ZNF280B: variants seen among roughly 807,000 people sequenced by gnomAD.
The protein encoded by ZNF280B is zinc finger protein 280B, also known as suppressor of hairy wing homolog 2.
In ZNF280B, 16 loss-of-function variants were observed where a neutral mutation model predicts 38.0. The observed-to-expected ratio is 0.42, with a 90% CI of 0.28 to 0.64. The LOEUF (loss-of-function observed/expected upper bound fraction) is 0.64. Among genes scored for constraint, ZNF280B ranks in the 30% least tolerant of loss-of-function variants. ZNF280B has a pLI of 0.21. For missense variants in ZNF280B, 581 were observed against 639.6 expected, an observed-to-expected ratio of 0.91 and a Z score of 0.99; for synonymous variants, 253 against 230.6, an observed-to-expected ratio of 1.10 and a Z score of -0.88.
chr22:22,498,793 C>CTT (rs60940298), intron 2 of ZNF280B, among the ~76,000 whole-genome samples: 60,076 of 83,312 alleles, frequency 0.72, 21,949 homozygotes, highest in Non-Finnish European at 0.77. Flanking sequence ...GGCCAATATC[C>CTT]TTTTTTTTTT....
chr22:22,492,832 G>C (rs1269252773), intron 3 of ZNF280B, among the ~76,000 whole-genome samples: 1 of 150,572 alleles, frequency 6.6e-6, no homozygotes, highest in Non-Finnish European at 1.5e-5. Flanking sequence ...GTTGCAGTAA[G>C]CCAAGACCAC....
At chr22:22,505,208 A>C (rs1021293865) in intron 2 of ZNF280B, among the ~76,000 whole-genome samples, 1 of 151,954 alleles carries the variant, frequency 6.6e-6, no homozygotes, top group Non-Finnish European at 1.5e-5. Context: ...GACAAGTTAG[A>C]AATGAGATAA....
At chr22:22,499,636 C>T (rs538559686) in intron 2 of ZNF280B, among the ~76,000 whole-genome samples, 1 of 151,972 alleles carries the variant, frequency 6.6e-6, no homozygotes, top group Non-Finnish European at 1.5e-5. Flanking sequence ...AGCTAACATC[C>T]TTTTATGATT....
In ZNF280B at chr22:22,487,630, T is replaced by C. The variant is rs953136029; in HGVS notation, c.*137A>G. On this transcript the variant is annotated 3_prime_UTR_variant, in exon 4 of 4. Coordinates refer to ENST00000626650, the MANE Select transcript of ZNF280B (RefSeq NM_080764.4). ...GATCAAATAATATATATCCTGAATC[T>C]TGTTTAAAAAGTCATATATAATCCA... The C allele has an allele frequency of 9.1e-6, 6 of 661,420 alleles. No individual in the cohort carries two copies. Among genetic ancestry groups the C allele is most frequent in the Non-Finnish European group, 1.5e-5 (6 of 409,120 alleles). 41.0% of individuals were successfully genotyped at this position (661,420 alleles called of 1,614,324 possible). A position where few individuals can be genotyped will look rare whatever the true frequency, so the allele number is the denominator to read the frequency against.
intron 3 of ZNF280B, among the ~76,000 whole-genome samples, chr22:22,490,139 C>A (rs1047090593): frequency 6.6e-6 from 1 of 151,954 alleles, no homozygotes; most frequent in African/African-American, 2.4e-5. Flanking sequence ...CATCCCAACT[C>A]ATGGCCTTAA....
rs1412843745 is a variant in ZNF280B, at chr22:22,486,189, C to A, written c.*1578G>T. The A allele has an allele frequency of 6.6e-6, 1 of 152,008 alleles. No individual in the cohort carries two copies. Among genetic ancestry groups the A allele is most frequent in the Non-Finnish European group, 1.5e-5 (1 of 68,030 alleles). The allele number at this position is 152,008 out of a possible 1,614,324, so 9.4% of individuals were successfully genotyped here. ...GAATAGCTGCAAGCTGTAATACATT[C>A]ATGTCCAAAGCAAGACATAAAGTTG... On this transcript the variant is annotated 3_prime_UTR_variant, in exon 4 of 4. Coordinates refer to ENST00000626650, the MANE Select transcript of ZNF280B (RefSeq NM_080764.4).
chr22:22,508,250 G>C (rs768801502), intron 1 of ZNF280B, among the ~76,000 whole-genome samples: 3 of 151,940 alleles, frequency 2.0e-5, no homozygotes, highest in Non-Finnish European at 4.4e-5. Context: ...CAGGTCTCCA[G>C]AACTGGGGAG....
chr22:22,493,692 T>C (rs17581268), intron 3 of ZNF280B, among the ~76,000 whole-genome samples: 24,164 of 151,858 alleles, frequency 0.16, 2,638 homozygotes, highest in Admixed American at 0.22. Context: ...TTAGGTCCAC[T>C]GGTTACTTCA....
chr22:22,504,921 CA>C (rs1429141385), intron 2 of ZNF280B, among the ~76,000 whole-genome samples: 1 of 151,950 alleles, frequency 6.6e-6, no homozygotes, highest in East Asian at 2.0e-4. Flanking sequence ...GGTGATATAG[CA>C]GTGATCCAAA....
chr22:22,506,097 A>G (rs1365900730), intron 2 of ZNF280B, among the ~76,000 whole-genome samples: 1 of 151,938 alleles, frequency 6.6e-6, no homozygotes, highest in Non-Finnish European at 1.5e-5. Context: ...GAGGAGGAGG[A>G]CACACAAGAG....
intron 2 of ZNF280B, among the ~76,000 whole-genome samples, chr22:22,495,037 A>AT (rs2061667027): frequency 1.3e-5 from 2 of 151,978 alleles, no homozygotes; most frequent in Admixed American, 1.3e-4. Flanking sequence ...CTAGTAAACC[A>AT]TTGTTATAAC....
intron 3 of ZNF280B, among the ~76,000 whole-genome samples, chr22:22,493,689 C>T (rs967977193): frequency 2.6e-5 from 4 of 151,898 alleles, no homozygotes; most frequent in Non-Finnish European, 5.9e-5. Flanking sequence ...GGTTTAGGTC[C>T]ACTGGTTACT....
rs2061539237 is a variant in ZNF280B at position 22,488,856 on chromosome 22, G to A, written c.543C>T (p.Asn181=). 6.2e-7 allele frequency: 1 copy of A among 1,613,642 alleles called. No individual in the cohort carries two copies. Among genetic ancestry groups the A allele is most frequent in the Non-Finnish European group, 8.5e-7 (1 of 1,179,972 alleles). Residue 181 remains asparagine (N), a synonymous_variant, in exon 4 of 4, where the codon AAC becomes AAT. Transcript: ENST00000626650. ...VSKQLSTFEV[N]SINPKRAKLR... is the part of the protein sequence containing the mutation. ...GTTTAGCCCTTTTGGGATTTATGCT[G>A]TTTACTTCGAAAGTGGAAAGTTGCT...
chr22:22,502,351 T>A (rs893554549), intron 2 of ZNF280B, among the ~76,000 whole-genome samples: 1 of 151,924 alleles, frequency 6.6e-6, no homozygotes, highest in Non-Finnish European at 1.5e-5. Flanking sequence ...CTGCTGGTGA[T>A]AATATAAACT....
chr22:22,499,665 G>A (rs5751179), intron 2 of ZNF280B, among the ~76,000 whole-genome samples: 28,977 of 151,822 alleles, frequency 0.19, 3,184 homozygotes, highest in South Asian at 0.33. Context: ...CAAAACGATT[G>A]GGAATAGAAG....
At position 22,488,125 on chromosome 22, in the gene ZNF280B, C is replaced by A; in HGVS notation, c.1274G>T (p.Cys425Phe). Residue 425 changes from cysteine (C) to phenylalanine (F), a missense_variant, in exon 4 of 4, where the codon TGC becomes TTC. Coordinates refer to ENST00000626650, the MANE Select transcript of ZNF280B (RefSeq NM_080764.4). Reference protein sequence around the residue: ...FADVETHFRTCHENTKNLLCP... With the variant: ...FADVETHFRTFHENTKNLLCP... The stretch of plus-strand genomic sequence containing the variant: ...AAGCAAATTCTTTGTGTTTTCATGG[C>A]ACGTTCTAAAATGTGTTTCTACATC... 1 of 1,613,842 alleles carries A rather than the reference C, an allele frequency of 6.2e-7. No individual in the cohort carries two copies. Among genetic ancestry groups the A allele is most frequent in the Non-Finnish European group, 8.5e-7 (1 of 1,179,944 alleles).
intron 2 of ZNF280B, among the ~76,000 whole-genome samples, chr22:22,505,352 G>A (rs2061913547): frequency 6.6e-6 from 1 of 151,828 alleles, no homozygotes; most frequent in Admixed American, 6.6e-5. Flanking sequence ...GATCACCTGA[G>A]GTCAGAAGTT....
At position 22,493,511 on chromosome 22, in the gene ZNF280B, G is replaced by A. The variant is rs2061637781; in HGVS notation, c.-69+552C>T. Among the ~76,000 whole-genome samples, 3 of 151,866 alleles carry A rather than the reference G, an allele frequency of 2.0e-5. No individual in the cohort carries two copies. The South Asian group carries it at 6.2e-4, about 32-fold the overall frequency. ...TCTTTAAGAATTAAAGTGTCTCATT[G>A]GATTCATTTTTTCACTCTCTATTTT... On this transcript the variant is annotated intron_variant, in intron 3 of 3. Transcript: ENST00000626650.
chr22:22,496,202 T>C (rs1024012727), intron 2 of ZNF280B, among the ~76,000 whole-genome samples: 2 of 150,216 alleles, frequency 1.3e-5, no homozygotes, highest in Admixed American at 1.3e-4. Flanking sequence ...TCTCCTGAGA[T>C]GCTTGTGCCT....
Sources: allele counts gnomAD v4.1 joint callset (sites outside exome capture counted in the v4.1 genomes callset), GRCh38; gene constraint gnomAD v4.1.1; transcripts MANE v1.5; gene names NCBI Gene and HGNC (gene_info 2026-07-23, HGNC 2026-07-21).